The following ZNF585A variants were observed in gnomAD, a reference collection of about 807,000 sequenced individuals.
ZNF585A encodes the protein zinc finger protein 585A.
A neutral mutation model predicts 14.9 loss-of-function variants in ZNF585A; 9 were observed. The observed-to-expected ratio is 0.60, with a 90% CI of 0.36 to 1.05. The LOEUF is 1.05. Ranked by LOEUF, ZNF585A falls within the 50% of genes least tolerant of loss-of-function variation. The pLI is 0.01. For synonymous variants in ZNF585A, 276 were observed against 319.9 expected (o/e 0.86, Z 1.46); for missense variants, 726 against 926.4 (o/e 0.78, Z 2.81).
chr19:37,150,916 G>A lies in ZNF585A; in HGVS notation c.*673C>T, dbSNP rs1971816759. 6.4e-6 allele frequency: 1 copy of A among 155,870 alleles called. No homozygotes were observed. The highest frequency in any genetic ancestry group is 1.5e-5 in the Non-Finnish European group (1 of 68,850). The allele number at this position is 155,870 out of a possible 1,614,324, so 9.7% of individuals were successfully genotyped here. A position where few individuals can be genotyped will look rare whatever the true frequency, so the allele number is the denominator to read the frequency against. On this transcript the variant is annotated 3_prime_UTR_variant, in exon 5 of 5. Transcript: ENST00000292841. Reference sequence around the variant, plus strand: ...AACACAAAGTGCTGAGGGCCCGTGAGGCTGAGAGACAGTCATGGTAGATAA... The same window carrying A: ...AACACAAAGTGCTGAGGGCCCGTGAAGCTGAGAGACAGTCATGGTAGATAA...
intron 1 of ZNF585A, among the ~76,000 whole-genome samples, chr19:37,170,569 T>C (rs1374833444): frequency 6.6e-6 from 1 of 152,194 alleles, no homozygotes; most frequent in Non-Finnish European, 1.5e-5. Flanking sequence ...CTGCAAGCTC[T>C]GCCTCCCAGG....
Position 37,151,064 on chromosome 19 carries a change from C to T in ZNF585A, c.*525G>A. ...TAGCATCTCTTTCTTGATAGAAATA[C>T]TGAATGAGGGTTGGATATGACCAAC... On this transcript the variant is annotated 3_prime_UTR_variant, in exon 5 of 5. Coordinates refer to ENST00000292841, the MANE Select transcript of ZNF585A (RefSeq NM_001288800.2). 1 of 287,550 alleles carries T rather than the reference C, an allele frequency of 3.5e-6. No homozygotes were observed. The highest frequency in any genetic ancestry group is 6.4e-6 in the Non-Finnish European group (1 of 156,628). 17.8% of individuals were successfully genotyped at this position (287,550 alleles called of 1,614,324 possible).
At chr19:37,170,576 C>T (rs1972167161) in intron 1 of ZNF585A, among the ~76,000 whole-genome samples, 1 of 152,174 alleles carries the variant, frequency 6.6e-6, no homozygotes, top group South Asian at 2.1e-4. Flanking sequence ...CTCTGCCTCC[C>T]AGGTTCAAGC....
In ZNF585A at chr19:37,151,683, G is replaced by A; in HGVS notation, c.2216C>T (p.Thr739Ile). 1 of 1,614,168 alleles carries A rather than the reference G, an allele frequency of 6.2e-7. No individual in the cohort carries two copies. Among genetic ancestry groups the A allele is most frequent in the Non-Finnish European group, 8.5e-7 (1 of 1,180,028 alleles). ...DRSNLNKHQT[T>I]HTGDKPYKCG... The stretch of plus-strand genomic sequence containing the variant: ...CTTGTAGGGTTTGTCTCCAGTGTGT[G>A]TTGTCTGATGTTTATTCAAATTGGA... The change falls in exon 5 of 5, where the codon ACA (threonine) becomes ATA (isoleucine). Residue 739 changes from threonine (T) to isoleucine (I), a missense_variant. Thr to Ile is a moderately conservative substitution (Grantham distance 89). Coordinates refer to ENST00000292841, the MANE Select transcript of ZNF585A (RefSeq NM_001288800.2).
In ZNF585A at chr19:37,156,281, T is replaced by G. The variant is rs1166087021; in HGVS notation, c.147A>C (p.Arg49Ser). ...EEWRHLDPSQ[R>S]NLYRDVMLET... ...CCAGCATCACATCCCGGTACAGGTT[T>G]CTCTGAGAAGGGTCCAGGTGCCGCC... is the stretch of plus-strand genomic sequence containing the variant. Residue 49 changes from arginine (R) to serine (S), a missense_variant, in exon 3 of 5, where the codon AGA (arginine) becomes AGC (serine). Arg to Ser is a moderately radical substitution (Grantham distance 110, BLOSUM62 -1). Coordinates refer to ENST00000292841, the MANE Select transcript of ZNF585A (RefSeq NM_001288800.2). The G allele has an allele frequency of 6.2e-7, 1 of 1,614,148 alleles. No individual in the cohort carries two copies. Among genetic ancestry groups the G allele is most frequent in the Non-Finnish European group, 8.5e-7 (1 of 1,180,002 alleles).
intron 2 of ZNF585A, among the ~76,000 whole-genome samples, chr19:37,163,534 T>C (rs1390238730): frequency 6.7e-6 from 1 of 149,756 alleles, no homozygotes; most frequent in East Asian, 1.9e-4. Context: ...AAAGAGCAGA[T>C]TAAGGCAAGT....
chr19:37,156,225 T>C lies in ZNF585A; in HGVS notation c.199+4A>G. ...CTTTCAGATACCAAGGTGACTGTGC[T>C]TACCTACTGAGAGCAGGTGGCTGTA... On this transcript the variant is annotated splice_donor_region_variant and intron_variant, in intron 3 of 4. Coordinates refer to ENST00000292841, the MANE Select transcript of ZNF585A (RefSeq NM_001288800.2). 2 of 1,613,878 alleles carry C rather than the reference T, an allele frequency of 1.2e-6. No individual in the cohort carries two copies. The highest frequency in any genetic ancestry group is 4.5e-5 in the East Asian group (2 of 44,884).
chr19:37,163,186 T>C (rs1972036422), intron 2 of ZNF585A, among the ~76,000 whole-genome samples: 1 of 151,814 alleles, frequency 6.6e-6, no homozygotes, highest in East Asian at 1.9e-4. Flanking sequence ...TACAAACAGT[T>C]TGTCAGGAAG....
intron 2 of ZNF585A, among the ~76,000 whole-genome samples, chr19:37,162,934 TTAACCTATA>T (rs908204486): frequency 5.9e-5 from 9 of 152,002 alleles, no homozygotes; most frequent in African/African-American, 2.2e-4. Flanking sequence ...ATGACACAAG[TTAACCTATA>T]TAACAAACCT....
Position 37,152,711 on chromosome 19 carries a change from T to G in ZNF585A, c.1188A>C (p.Ala396=). 6.2e-7 allele frequency: 1 copy of G among 1,613,482 alleles called. No homozygotes were observed. Among genetic ancestry groups the G allele is most frequent in the Non-Finnish European group, 8.5e-7 (1 of 1,179,786 alleles). ...TATGAATTCTCTGATGCACTGTGAG[T>G]GCTGACTTCTGAGTGAAGGCTTTCC... is the stretch of plus-strand genomic sequence containing the variant. ...DCGKAFTQKS[A]LTVHQRIHTG... The change falls in exon 5 of 5, where the codon GCA becomes GCC. Residue 396 remains alanine (A), a synonymous_variant. Transcript: ENST00000292841.
rs1971779370 is a variant in ZNF585A at position 37,148,856 on chromosome 19, G to C, written c.*2733C>G. 1 of 152,124 alleles carries C rather than the reference G, an allele frequency of 6.6e-6. No individual in the cohort carries two copies. Among genetic ancestry groups the C allele is most frequent in the Non-Finnish European group, 1.5e-5 (1 of 68,024 alleles). 9.4% of individuals were successfully genotyped at this position (152,124 alleles called of 1,614,324 possible). On this transcript the variant is annotated 3_prime_UTR_variant, in exon 5 of 5. Transcript: ENST00000292841. ...CATTATCAAGCCATGAAAAGACATGGAGGAAACTGAAATCCACATTACTAA... is the reference window on the plus strand; with the variant it reads ...CATTATCAAGCCATGAAAAGACATGCAGGAAACTGAAATCCACATTACTAA...
intron 2 of ZNF585A, among the ~76,000 whole-genome samples, chr19:37,158,868 A>G (rs1229760340): frequency 6.6e-6 from 1 of 152,234 alleles, no homozygotes; most frequent in African/African-American, 2.4e-5. Context: ...ATACATATCA[A>G]GGTATTTTTA....
chr19:37,156,922 C>G (rs1046758220), intron 2 of ZNF585A, among the ~76,000 whole-genome samples: 3 of 152,184 alleles, frequency 2.0e-5, no homozygotes, highest in Non-Finnish European at 4.4e-5. Context: ...GAACTGCTGA[C>G]CTCAGGTGAT....
In ZNF585A at chr19:37,152,911, C is replaced by T. The variant is rs199781787; in HGVS notation, c.988G>A (p.Glu330Lys). 23 of 1,614,168 alleles carry T rather than the reference C, an allele frequency of 1.4e-5. No individual in the cohort carries two copies. The Admixed American group carries it at 1.5e-4, about 11-fold the overall frequency. Residue 330 changes from glutamate (E) to lysine (K), a missense_variant, in exon 5 of 5, where the codon GAA (glutamate) becomes AAA (lysine). By Grantham distance (56) the Glu-to-Lys change is moderately conservative. This residue lies in a region of ZNF585A where 483 missense variants were observed against 542.8 expected (regional missense o/e 0.89). Coordinates refer to ENST00000292841, the MANE Select transcript of ZNF585A (RefSeq NM_001288800.2). Reference protein sequence around the residue: ...HTRVKPYICTEYGKVFSNNSN... With the variant: ...HTRVKPYICTKYGKVFSNNSN... ...TTATTGCTGAAGACCTTCCCATATT[C>T]GGTACATATATAGGGCTTCACTCTT...
In ZNF585A at chr19:37,151,460, G is replaced by C. The variant is rs973194340; in HGVS notation, c.*129C>G. On this transcript the variant is annotated 3_prime_UTR_variant, in exon 5 of 5. Coordinates refer to ENST00000292841, the MANE Select transcript of ZNF585A (RefSeq NM_001288800.2). ...AGTGCCTTCTCAGAGGCCCTCTCCAGAACAGCCATGTGTGACATTCTGCTG... is the reference window on the plus strand; with the variant it reads ...AGTGCCTTCTCAGAGGCCCTCTCCACAACAGCCATGTGTGACATTCTGCTG... 8.7e-6 allele frequency: 9 copies of C among 1,035,988 alleles called. No individual in the cohort carries two copies. Among genetic ancestry groups the C allele is most frequent in the Non-Finnish European group, 1.2e-5 (9 of 725,786 alleles). The allele number at this position is 1,035,988 out of a possible 1,614,324, so 64.2% of individuals were successfully genotyped here.
chr19:37,156,086 T>G, intron 3 of ZNF585A, 129 bp from the exon 4 acceptor site: 1 of 1,556,034 alleles, frequency 6.4e-7, no homozygotes, highest in South Asian at 1.2e-5. Flanking sequence ...GGTAAAATTC[T>G]GAGTGCCCTA....
intron 2 of ZNF585A, among the ~76,000 whole-genome samples, chr19:37,157,199 C>A (rs530405436): frequency 6.6e-6 from 1 of 152,138 alleles, no homozygotes; most frequent in Non-Finnish European, 1.5e-5. Context: ...TTTTGTGGAA[C>A]ACAGAAATCC....
At position 37,148,458 on chromosome 19, in the gene ZNF585A, A is replaced by G. The variant is rs1018092690; in HGVS notation, c.*3131T>C. The stretch of plus-strand genomic sequence containing the variant: ...TTATACAATATTATGGAAAAGGCAG[A>G]ACTATAGAGACGGAAACAGACTGGT... On this transcript the variant is annotated 3_prime_UTR_variant, in exon 5 of 5. Coordinates refer to ENST00000292841, the MANE Select transcript of ZNF585A (RefSeq NM_001288800.2). The G allele has an allele frequency of 6.6e-6, 1 of 152,066 alleles. No homozygotes were observed. Among genetic ancestry groups the G allele is most frequent in the African/African-American group, 2.4e-5 (1 of 41,392 alleles). 9.4% of individuals were successfully genotyped at this position (152,066 alleles called of 1,614,324 possible). A position where few individuals can be genotyped will look rare whatever the true frequency, so the allele number is the denominator to read the frequency against.
chr19:37,162,440 G>A (rs1326069249), intron 2 of ZNF585A, among the ~76,000 whole-genome samples: 2 of 152,102 alleles, frequency 1.3e-5, no homozygotes, highest in African/African-American at 4.8e-5. Flanking sequence ...CCTAAAGACA[G>A]AAATACCATT....
Sources: allele counts gnomAD v4.1 joint callset (sites outside exome capture counted in the v4.1 genomes callset), GRCh38; gene constraint gnomAD v4.1.1; regional missense constraint gnomAD v4.1.1; transcripts MANE v1.5; gene names NCBI Gene and HGNC (gene_info 2026-07-23, HGNC 2026-07-21).